Variants in PLEKHH2 observed in about 807,000 individuals in gnomAD.
PLEKHH2 encodes the protein pleckstrin homology, MyTH4 and FERM domain containing H2, also known as pleckstrin homology domain-containing family H member 2.
PLEKHH2 carries 129 observed loss-of-function variants against 187.9 expected under a neutral mutation model. That is an observed-to-expected ratio of 0.69 (90% confidence interval 0.59 to 0.79). The LOEUF (loss-of-function observed/expected upper bound fraction) is 0.79, where lower values mean the gene tolerates loss of function less well. PLEKHH2 is among the 30% of genes least tolerant of loss of function. The pLI is 0.00. For synonymous variants in PLEKHH2, 686 were observed against 605.6 expected (o/e 1.13, Z -1.95); for missense variants, 2,076 against 1,751.2 (o/e 1.19, Z -3.31).
At chr2:43,667,830 T>C (rs1433453757) in intron 2 of PLEKHH2, among the ~76,000 whole-genome samples, 1 of 152,168 alleles carries the variant, frequency 6.6e-6, no homozygotes, top group Non-Finnish European at 1.5e-5. Flanking sequence ...GCTTTCTGTT[T>C]GAGGTGATGA....
chr2:43,654,616 G>C (rs947376427), intron 2 of PLEKHH2, among the ~76,000 whole-genome samples: 2 of 139,292 alleles, frequency 1.4e-5, no homozygotes, highest in Non-Finnish European at 3.0e-5. Context: ...AGTGGCTCAT[G>C]TCTGTAATCC....
At chr2:43,694,389 G>T in intron 4 of PLEKHH2, 42 bp from the exon 5 acceptor site, 1 of 1,516,206 alleles carries the variant, frequency 6.6e-7, no homozygotes, top group South Asian at 1.3e-5. Context: ...CCAGACCATT[G>T]AGTTTATGTT....
chr2:43,734,480 C>T (rs1671197108), intron 19 of PLEKHH2, among the ~76,000 whole-genome samples: 2 of 152,126 alleles, frequency 1.3e-5, no homozygotes, highest in South Asian at 4.1e-4. Flanking sequence ...ATACAAATGG[C>T]CAACAAGTAT....
At chr2:43,722,981 T>C (rs953260689) in intron 16 of PLEKHH2, among the ~76,000 whole-genome samples, 1 of 152,182 alleles carries the variant, frequency 6.6e-6, no homozygotes, top group Non-Finnish European at 1.5e-5. Context: ...TTAATCTGTA[T>C]CAATGTCTTT....
chr2:43,679,726 G>A (rs1668070932), intron 3 of PLEKHH2: 1 of 163,056 alleles, frequency 6.1e-6, no homozygotes, highest in South Asian at 1.5e-4. Flanking sequence ...CTGACCTCAG[G>A]TGATCCATCC....
intron 2 of PLEKHH2, among the ~76,000 whole-genome samples, chr2:43,677,416 C>A (rs898296326): frequency 1.3e-5 from 2 of 152,084 alleles, no homozygotes; most frequent in Non-Finnish European, 2.9e-5. Flanking sequence ...GAGCATGCTG[C>A]CTTCAAGCAT....
intron 2 of PLEKHH2, chr2:43,676,314 G>A: frequency 6.2e-7 from 1 of 1,605,866 alleles, no homozygotes; most frequent in Non-Finnish European, 8.5e-7. Flanking sequence ...TCCCACTAGC[G>A]GAAACCATTT....
intron 7 of PLEKHH2, 143 bp downstream of exon 7, chr2:43,697,499 C>G: frequency 1.5e-6 from 1 of 657,670 alleles, no homozygotes; most frequent in East Asian, 3.0e-5. Context: ...AAGAGCAATA[C>G]AACATTTAAC....
intron 3 of PLEKHH2, among the ~76,000 whole-genome samples, chr2:43,680,189 A>G (rs1295839071): frequency 6.6e-6 from 1 of 152,210 alleles, no homozygotes; most frequent in East Asian, 1.9e-4. Context: ...ACTATGGAGT[A>G]ATATGGTTAA....
intron 10 of PLEKHH2, 112 bp from the exon 11 acceptor site, chr2:43,707,289 G>A: frequency 8.5e-7 from 1 of 1,174,226 alleles, no homozygotes; most frequent in African/African-American, 1.5e-5. Flanking sequence ...GATGGATACA[G>A]GGAGGTTGCT....
intron 17 of PLEKHH2, among the ~76,000 whole-genome samples, chr2:43,727,823 A>G (rs1241572750): frequency 2.0e-5 from 3 of 152,284 alleles, no homozygotes; most frequent in South Asian, 4.1e-4. Flanking sequence ...GTGTTCCTGA[A>G]CACTTGCCTC....
At chr2:43,738,563 T>G in intron 20 of PLEKHH2, 43 bp downstream of exon 20, 1 of 1,510,084 alleles carries the variant, frequency 6.6e-7, no homozygotes, top group Non-Finnish European at 9.0e-7. Flanking sequence ...TTTAAAGTGT[T>G]TTTTTTTCTG....
At chr2:43,742,308 CA>C (rs1671600885) in intron 21 of PLEKHH2, among the ~76,000 whole-genome samples, 1 of 148,124 alleles carries the variant, frequency 6.8e-6, no homozygotes, top group South Asian at 2.1e-4. Context: ...GGCCTGAAGA[CA>C]TTTTTTTTTT....
intron 2 of PLEKHH2, among the ~76,000 whole-genome samples, chr2:43,651,289 G>A (rs1045344888): frequency 1.3e-5 from 2 of 151,690 alleles, no homozygotes; most frequent in Admixed American, 6.6e-5. Context: ...AGCTGGTCTC[G>A]AACTCCTGAC....
At position 43,746,001 on chromosome 2, in the gene PLEKHH2, T is replaced by A. The variant is rs368522936; in HGVS notation, c.3653+38T>A. On this transcript the variant is annotated intron_variant, in intron 24 of 29. Transcript: ENST00000282406. ...GCATCCAGATGCCAAAGTATGAGTATACAATATGTTCTAATAATGCACCTA... is the reference window on the plus strand; with the variant it reads ...GCATCCAGATGCCAAAGTATGAGTAAACAATATGTTCTAATAATGCACCTA... 732 of 1,364,654 alleles carry A rather than the reference T, an allele frequency of 5.4e-4. 1 individual carries two copies. Among genetic ancestry groups the A allele is most frequent in the South Asian group, 8.7e-4 (65 of 74,452 alleles). The allele number at this position is 1,364,654 out of a possible 1,614,324, so 84.5% of individuals were successfully genotyped here. A position where few individuals can be genotyped will look rare whatever the true frequency, so the allele number is the denominator to read the frequency against.
In PLEKHH2 at chr2:43,726,511, G is replaced by A. The variant is rs539670486; in HGVS notation, c.2721+60G>A. The A allele has an allele frequency of 4.2e-6, 6 of 1,431,672 alleles. No individual in the cohort carries two copies. The East Asian group carries it at 1.4e-4, about 34-fold the overall frequency. 88.7% of individuals were successfully genotyped at this position (1,431,672 alleles called of 1,614,324 possible). On this transcript the variant is annotated intron_variant, in intron 17 of 29. Coordinates refer to ENST00000282406, the MANE Select transcript of PLEKHH2 (RefSeq NM_172069.4). Reference sequence around the variant, plus strand: ...GTAGACTAATATTATTCAGATATTGGTAATAATTATCAAATCAATTTAATG... The same window carrying A: ...GTAGACTAATATTATTCAGATATTGATAATAATTATCAAATCAATTTAATG...
At chr2:43,655,325 G>A (rs1666699847) in intron 2 of PLEKHH2, among the ~76,000 whole-genome samples, 1 of 152,120 alleles carries the variant, frequency 6.6e-6, no homozygotes, top group African/African-American at 2.4e-5. Flanking sequence ...GTGTAGTGGT[G>A]GGGGATTTGG....
At position 43,745,361 on chromosome 2, in the gene PLEKHH2, A is replaced by G. The variant is rs114692406; in HGVS notation, c.3556-505A>G. 8.0e-3 allele frequency among the ~76,000 whole-genome samples: 1,223 copies of G among 152,208 alleles called. 18 individuals carry two copies. The highest frequency in any genetic ancestry group is 0.028 in the African/African-American group (1,156 of 41,536). ...AAATAGAATTACAGAACCACAAGGG[A>G]CCTTAGAGAAATAATGCACTTATTT... On this transcript the variant is annotated intron_variant, in intron 23 of 29. Transcript: ENST00000282406.
chr2:43,740,558 T>C (rs988828831), intron 20 of PLEKHH2, among the ~76,000 whole-genome samples: 1 of 152,224 alleles, frequency 6.6e-6, no homozygotes, highest in African/African-American at 2.4e-5. Flanking sequence ...GGTTTTGATT[T>C]AGGGCATGTG....
Sources: gnomAD v4.1 joint callset for allele counts (sites outside exome capture counted in the v4.1 genomes callset) on GRCh38, gnomAD v4.1.1 for gene constraint, MANE v1.5 for transcripts, NCBI Gene and HGNC (gene_info 2026-07-23, HGNC 2026-07-21) for gene names.